The following TRMT11 variants were observed in gnomAD, a reference collection of about 807,000 sequenced individuals.
TRMT11 encodes the protein tRNA (guanine(10)-N(2))-methyltransferase TRMT11.
A neutral mutation model predicts 62.8 loss-of-function variants in TRMT11; 53 were observed. The observed-to-expected ratio is 0.84, with a 90% CI of 0.68 to 1.06. The LOEUF (loss-of-function observed/expected upper bound fraction) is 1.06. Ranked by LOEUF, TRMT11 falls within the 50% of genes least tolerant of loss-of-function variation. The pLI is 0.00. For synonymous variants in TRMT11, 188 were observed against 190.3 expected (o/e 0.99, Z 0.10); for missense variants, 556 against 553.4 (o/e 1.00, Z -0.05).
chr6:126,128,280 T>C (rs968862048), intron 21 of TRMT11, among the ~76,000 whole-genome samples: 10 of 152,058 alleles, frequency 6.6e-5, no homozygotes, highest in African/African-American at 2.2e-4. Context: ...TAGATGAAAA[T>C]AATATATATT....
At chr6:126,225,685 ATTTTTTTTTT>A in the TRMT11 span, among the ~76,000 whole-genome samples, 3 of 95,280 alleles carry the variant, frequency 3.1e-5, no homozygotes, top group African/African-American at 5.2e-5. Flanking sequence ...TATGTTTACT[ATTTTTTTTTT>A]TTTTTTTTTT....
At chr6:126,033,507 A>T (rs1037551546) in intron 12 of TRMT11, among the ~76,000 whole-genome samples, 1 of 152,046 alleles carries the variant, frequency 6.6e-6, no homozygotes, top group Non-Finnish European at 1.5e-5. Context: ...TGTTCTAGAG[A>T]GTAGTTTGGA....
At chr6:126,047,739 G>A (rs552822631) in intron 16 of TRMT11, among the ~76,000 whole-genome samples, 1 of 152,314 alleles carries the variant, frequency 6.6e-6, no homozygotes, top group African/African-American at 2.4e-5. Flanking sequence ...CCCAGCTCCT[G>A]CATCTGCCTG....
At chr6:126,246,179 C>A in the TRMT11 span, among the ~76,000 whole-genome samples, 1 of 151,856 alleles carries the variant, frequency 6.6e-6, no homozygotes, top group South Asian at 2.1e-4. Context: ...CCCAGGAGAT[C>A]GAGGCTGCAG....
intron 17 of TRMT11, among the ~76,000 whole-genome samples, chr6:126,062,462 T>A (rs1776563115): frequency 6.6e-6 from 1 of 152,212 alleles, no homozygotes; most frequent in African/African-American, 2.4e-5. Context: ...TTAATAATCA[T>A]CAGAATATAG....
rs895410859 is a variant in TRMT11, at chr6:126,076,349, C to T, written c.*1437+23159C>T. Reference sequence around the variant, plus strand: ...ATCTGCCTATGTGACAATAATTGTGCCCATATAATGCCATCAGTGAATGTG... The same window carrying T: ...ATCTGCCTATGTGACAATAATTGTGTCCATATAATGCCATCAGTGAATGTG... On this transcript the variant is annotated intron_variant and NMD_transcript_variant, in intron 17 of 22. Coordinates refer to the TRMT11 transcript ENST00000648977. 3.9e-5 allele frequency among the ~76,000 whole-genome samples: 6 copies of T among 152,110 alleles called. No homozygotes were observed. The South Asian group carries it at 6.2e-4, about 16-fold the overall frequency.
At chr6:126,011,165 A>C in intron 8 of TRMT11, 88 bp from the exon 9 acceptor site, 1 of 1,119,282 alleles carries the variant, frequency 8.9e-7, no homozygotes, top group Non-Finnish European at 1.2e-6. Flanking sequence ...TGTAGGTTTC[A>C]GTGAGTTAAA....
the TRMT11 span, among the ~76,000 whole-genome samples, chr6:126,259,612 A>G: frequency 1.2e-4 from 19 of 152,190 alleles, no homozygotes; most frequent in African/African-American, 4.3e-4. Flanking sequence ...TTTATGATAG[A>G]ATGATTTCTA....
At chr6:126,159,553 C>A (rs1442771307) in intron 21 of TRMT11, among the ~76,000 whole-genome samples, 1 of 152,186 alleles carries the variant, frequency 6.6e-6, no homozygotes, top group Non-Finnish European at 1.5e-5. Flanking sequence ...CCAGGAACAG[C>A]CATCTTCCAC....
chr6:126,053,714 G>T (rs551544868), intron 17 of TRMT11, among the ~76,000 whole-genome samples: 3 of 151,828 alleles, frequency 2.0e-5, no homozygotes, highest in Non-Finnish European at 4.4e-5. Context: ...GTGTCCTCTC[G>T]AGAGCTTCGA....
At chr6:126,136,283 G>A (rs754898201) in intron 21 of TRMT11, among the ~76,000 whole-genome samples, 3 of 151,434 alleles carry the variant, frequency 2.0e-5, no homozygotes, top group Non-Finnish European at 4.4e-5. Context: ...CTGAAAATTT[G>A]TAAAATTTTA....
At chr6:126,085,325 A>G (rs533608785) in intron 17 of TRMT11, among the ~76,000 whole-genome samples, 179 of 152,318 alleles carry the variant, frequency 1.2e-3, no homozygotes, top group African/African-American at 4.1e-3. Context: ...GGTTTCTGAC[A>G]TATAGAATTA....
the TRMT11 span, among the ~76,000 whole-genome samples, chr6:126,210,936 C>G: frequency 1.3e-5 from 2 of 151,858 alleles, no homozygotes; most frequent in African/African-American, 4.8e-5. Context: ...ACAAGTATGC[C>G]CTTCCCTGTA....
At chr6:125,992,447 AT>A (rs1169160595) in intron 1 of TRMT11, among the ~76,000 whole-genome samples, 2 of 151,970 alleles carry the variant, frequency 1.3e-5, no homozygotes, top group Non-Finnish European at 2.9e-5. Context: ...CTATAACTTT[AT>A]TTTTTTTCTT....
chr6:126,150,924 AT>A (rs899746635), intron 21 of TRMT11, among the ~76,000 whole-genome samples: 1 of 151,722 alleles, frequency 6.6e-6, no homozygotes, highest in African/African-American at 2.4e-5. Context: ...TTGTAGATCC[AT>A]TTTTTTTCCC....
chr6:126,245,536 C>T, the TRMT11 span, among the ~76,000 whole-genome samples: 1 of 152,224 alleles, frequency 6.6e-6, no homozygotes, highest in African/African-American at 2.4e-5. Context: ...GGCAGAGGTA[C>T]ACATATCCAC....
At chr6:126,147,669 C>T (rs570819851) in intron 21 of TRMT11, among the ~76,000 whole-genome samples, 104 of 152,152 alleles carry the variant, frequency 6.8e-4, no homozygotes, top group African/African-American at 2.4e-3. Flanking sequence ...TAGTCACAGA[C>T]TGTGAAGGAA....
At chr6:126,133,402 A>T (rs1301160885) in intron 21 of TRMT11, among the ~76,000 whole-genome samples, 3 of 152,064 alleles carry the variant, frequency 2.0e-5, no homozygotes, top group Admixed American at 6.6e-5. Context: ...TTTGAGGTTG[A>T]TGCAGAGCTA....
At chr6:126,065,004 G>A (rs187931090) in intron 17 of TRMT11, among the ~76,000 whole-genome samples, 295 of 152,262 alleles carry the variant, frequency 1.9e-3, no homozygotes, top group Middle Eastern at 3.4e-3. Flanking sequence ...CCCCCAGGCA[G>A]CGTTGGTGAT....
Sources: gnomAD v4.1 joint callset for allele counts (sites outside exome capture counted in the v4.1 genomes callset) on GRCh38, gnomAD v4.1.1 for gene constraint, MANE v1.5 for transcripts, NCBI Gene and HGNC (gene_info 2026-07-23, HGNC 2026-07-21) for gene names.